The following TIAM1 variants were observed in gnomAD, a reference collection of about 807,000 sequenced individuals.
TIAM1 encodes the protein TIAM Rac1 associated GEF 1.
A neutral mutation model predicts 163.5 loss-of-function variants in TIAM1; 65 were observed. That is an observed-to-expected ratio of 0.40 (90% confidence interval 0.33 to 0.49). TIAM1 has a LOEUF of 0.49. Among genes scored for constraint, TIAM1 ranks in the 20% least tolerant of loss-of-function variants. The pLI is 0.77. For synonymous variants in TIAM1, 833 were observed against 810.1 expected, an observed-to-expected ratio of 1.03 and a Z score of -0.48; for missense variants, 1,789 against 2,044.7, an observed-to-expected ratio of 0.87 and a Z score of 2.41.
chr21:31,272,847 T>C (rs919092942), intron 3 of TIAM1, among the ~76,000 whole-genome samples: 1 of 152,190 alleles, frequency 6.6e-6, no homozygotes, highest in Non-Finnish European at 1.5e-5. Context: ...TAGCATCATC[T>C]GGCAAAATGT....
intron 13 of TIAM1, among the ~76,000 whole-genome samples, chr21:31,190,341 G>A (rs2085495925): frequency 6.6e-6 from 1 of 152,128 alleles, no homozygotes; most frequent in Admixed American, 6.5e-5. Context: ...GAGTCTAGGA[G>A]GTTGAGGCTG....
chr21:31,287,392 C>T (rs2073852417), intron 2 of TIAM1, among the ~76,000 whole-genome samples: 1 of 152,158 alleles, frequency 6.6e-6, no homozygotes, highest in African/African-American at 2.4e-5. Context: ...GGAAATAGAC[C>T]ATTTCTTTAT....
In TIAM1 at chr21:31,266,948, C is replaced by T. The variant is rs1290218030; in HGVS notation, c.25G>A (p.Val9Ile). 1.2e-6 allele frequency: 2 copies of T among 1,606,520 alleles called. No individual in the cohort carries two copies. Among genetic ancestry groups the T allele is most frequent in the East Asian group, 2.2e-5 (1 of 44,660 alleles). The change falls in exon 4 of 28, where the codon GTA becomes ATA. Residue 9 changes from valine to isoleucine, a missense_variant. By Grantham distance (29) the Val-to-Ile change is conservative (BLOSUM62 3). Transcript: ENST00000541036. The stretch of plus-strand genomic sequence containing the variant: ...TTTTCTCCATAAAACTCGTGCTCTA[C>T]ATGTTGACTTTCTGCGTTTCCCATG... MGNAESQH[V>I]EHEFYGEKHA... is the part of the protein sequence containing the mutation.
At chr21:31,355,110 C>T (rs375382193) in intron 2 of TIAM1, among the ~76,000 whole-genome samples, 5 of 151,078 alleles carry the variant, frequency 3.3e-5, no homozygotes, top group East Asian at 3.9e-4. Flanking sequence ...TTAGTCAGGT[C>T]GGCTGGGTCT....
intron 1 of TIAM1, among the ~76,000 whole-genome samples, chr21:31,468,619 C>CA (rs1463357302): frequency 6.6e-6 from 1 of 150,662 alleles, no homozygotes; most frequent in Non-Finnish European, 1.5e-5. Flanking sequence ...ACTAAAAATA[C>CA]AAAAAAATTA....
chr21:31,270,937 C>T (rs1016338635), intron 3 of TIAM1, among the ~76,000 whole-genome samples: 5 of 152,178 alleles, frequency 3.3e-5, no homozygotes, highest in Admixed American at 2.0e-4. Flanking sequence ...TTCCTTCAGA[C>T]CTTCAATCAA....
At chr21:31,347,331 G>A (rs375704448), upstream of TIAM1, among the ~76,000 whole-genome samples, 6 of 152,230 alleles carry the variant, frequency 3.9e-5, no homozygotes, top group Admixed American at 6.5e-5. Flanking sequence ...CTTGGGCCTC[G>A]GAGGGAAGCA....
intron 2 of TIAM1, among the ~76,000 whole-genome samples, chr21:31,438,527 CTG>C (rs1465535732): frequency 6.6e-6 from 1 of 152,076 alleles, no homozygotes; most frequent in African/African-American, 2.4e-5. Flanking sequence ...ACAGTCTGTG[CTG>C]TGTTTGTCAA....
intron 2 of TIAM1, among the ~76,000 whole-genome samples, chr21:31,370,041 C>A (rs1307381432): frequency 6.6e-6 from 1 of 152,148 alleles, no homozygotes; most frequent in Non-Finnish European, 1.5e-5. Context: ...CACATGAGGA[C>A]ACAGTGAAAA....
At chr21:31,428,514 A>G (rs1286620911) in intron 2 of TIAM1, among the ~76,000 whole-genome samples, 4 of 152,206 alleles carry the variant, frequency 2.6e-5, no homozygotes, top group African/African-American at 9.7e-5. Context: ...ATTTAATTAA[A>G]TATATATACA....
At chr21:31,139,847 AGC>A (rs1388685481) in intron 22 of TIAM1, among the ~76,000 whole-genome samples, 13 of 152,186 alleles carry the variant, frequency 8.5e-5, no homozygotes, top group Admixed American at 5.2e-4. Flanking sequence ...TGTCTTTGAG[AGC>A]CTGTGCGATT....
intron 19 of TIAM1, among the ~76,000 whole-genome samples, chr21:31,149,539 T>C (rs2083285674): frequency 6.6e-6 from 1 of 152,212 alleles, no homozygotes; most frequent in Non-Finnish European, 1.5e-5. Flanking sequence ...AAAGTTCTGG[T>C]ACCCAAAGTC....
chr21:31,295,277 C>T (rs4817392), intron 2 of TIAM1, among the ~76,000 whole-genome samples: 91,500 of 151,898 alleles, frequency 0.6, 29,039 homozygotes, highest in East Asian at 0.88. Flanking sequence ...GAGACCATCC[C>T]GGCTAACACG....
intron 1 of TIAM1, among the ~76,000 whole-genome samples, chr21:31,469,146 G>A (rs1289287398): frequency 1.4e-5 from 2 of 140,284 alleles, no homozygotes; most frequent in African/African-American, 2.7e-5. Context: ...ACAGTGGCAC[G>A]ATCATAGTTC....
intron 1 of TIAM1, among the ~76,000 whole-genome samples, chr21:31,465,695 G>C (rs893426887): frequency 3.3e-5 from 5 of 151,720 alleles, no homozygotes; most frequent in South Asian, 2.1e-4. Flanking sequence ...CTCAGCCTCC[G>C]GAGTAGCTGG....
chr21:31,432,777 C>T (rs972839770), intron 2 of TIAM1, among the ~76,000 whole-genome samples: 4 of 152,028 alleles, frequency 2.6e-5, no homozygotes, highest in Non-Finnish European at 4.4e-5. Context: ...TGATGGGAGA[C>T]GGGAGCAGAA....
intron 2 of TIAM1, among the ~76,000 whole-genome samples, chr21:31,337,743 C>T (rs969229776): frequency 1.3e-5 from 2 of 152,018 alleles, no homozygotes; most frequent in African/African-American, 4.8e-5. Context: ...GTTGGCTAGA[C>T]TGGCTCGGAC....
chr21:31,140,895 C>T (rs1057166784), intron 22 of TIAM1, among the ~76,000 whole-genome samples: 4 of 152,160 alleles, frequency 2.6e-5, no homozygotes, highest in African/African-American at 4.8e-5. Flanking sequence ...GGGTGAGGAG[C>T]TGAACATCAG....
At chr21:31,558,012 G>A (rs1191231246) in intron 1 of TIAM1, among the ~76,000 whole-genome samples, 1 of 152,180 alleles carries the variant, frequency 6.6e-6, no homozygotes, top group African/African-American at 2.4e-5. Flanking sequence ...CGCGGCCGGG[G>A]GGAGGGGGCG....
Sources: allele counts gnomAD v4.1 joint callset (sites outside exome capture counted in the v4.1 genomes callset), GRCh38; gene constraint gnomAD v4.1.1; transcripts MANE v1.5; gene names NCBI Gene and HGNC (gene_info 2026-07-23, HGNC 2026-07-21).